CFTR: variants seen among roughly 807,000 people sequenced by gnomAD.
The protein encoded by CFTR is cystic fibrosis transmembrane conductance regulator.
A neutral mutation model predicts 171.6 loss-of-function variants in CFTR; 181 were observed. The observed-to-expected ratio is 1.05, with a 90% confidence interval of 0.93 to 1.19. The LOEUF (loss-of-function observed/expected upper bound fraction) is 1.19. Ranked by LOEUF, CFTR falls within the 50% of genes most tolerant of loss-of-function variation. The pLI is 0.00. For missense variants in CFTR, 1,968 were observed against 1,734.7 expected, an observed-to-expected ratio of 1.13 and a Z score of -2.39; for synonymous variants, 583 against 608.0, an observed-to-expected ratio of 0.96 and a Z score of 0.60.
At chr7:117,570,017 G>C (rs527872470) in intron 11 of CFTR, among the ~76,000 whole-genome samples, 4 of 151,986 alleles carry the variant, frequency 2.6e-5, no homozygotes, top group African/African-American at 9.7e-5. Flanking sequence ...GTGATATATA[G>C]AGTGCCAGGG....
At position 117,548,967 on chromosome 7, in the gene CFTR, T is replaced by C; in HGVS notation, c.1392+144T>C. ...TGTATGGGTGTAGTGTCTTGTATAA[T>C]AGAAATTGTTCCACTGATAATTTAC... On this transcript the variant is annotated intron_variant, in intron 10 of 26. Coordinates refer to ENST00000003084, the MANE Select transcript of CFTR (RefSeq NM_000492.4). The C allele has an allele frequency of 2.4e-6, 3 of 1,230,604 alleles. No homozygotes were observed. The South Asian group carries it at 4.5e-5, about 18-fold the overall frequency. The allele number at this position is 1,230,604 out of a possible 1,614,324, so 76.2% of individuals were successfully genotyped here.
chr7:117,528,516 G>C (rs1368512317), intron 3 of CFTR, among the ~76,000 whole-genome samples: 5 of 105,058 alleles, frequency 4.8e-5, no homozygotes, highest in Non-Finnish European at 9.7e-5. Flanking sequence ...TTGACAAATG[G>C]GATCTAATTA....
chr7:117,509,526 A>G (rs764130494), intron 3 of CFTR, among the ~76,000 whole-genome samples: 48 of 152,212 alleles, frequency 3.2e-4, no homozygotes, highest in Non-Finnish European at 5.3e-4. Flanking sequence ...AGCTAATTAC[A>G]TATATGAATG....
At chr7:117,540,041 T>C in intron 7 of CFTR, 59 bp from the exon 8 acceptor site, 1 of 1,422,186 alleles carries the variant, frequency 7.0e-7, no homozygotes, top group Non-Finnish European at 9.8e-7. Context: ...CATTCCAAGA[T>C]CCCTGATATT....
chr7:117,596,190 G>A (rs1254532051), intron 15 of CFTR, among the ~76,000 whole-genome samples: 1 of 152,212 alleles, frequency 6.6e-6, no homozygotes, highest in Non-Finnish European at 1.5e-5. Flanking sequence ...TGCCTTGTGG[G>A]CCAGCGCGAG....
intron 1 of CFTR, among the ~76,000 whole-genome samples, chr7:117,497,744 A>C (rs1056901994): frequency 1.3e-5 from 2 of 152,160 alleles, no homozygotes; most frequent in Admixed American, 6.5e-5. Flanking sequence ...GATTTTATAG[A>C]AAATTAATAT....
intron 11 of CFTR, among the ~76,000 whole-genome samples, chr7:117,576,100 GT>G (rs1202268146): frequency 6.6e-6 from 1 of 151,978 alleles, no homozygotes; most frequent in Non-Finnish European, 1.5e-5. Context: ...TAATTTTATT[GT>G]TTTTCATTGG....
At chr7:117,659,452 G>A (rs2116210247) in intron 24 of CFTR, among the ~76,000 whole-genome samples, 1 of 152,300 alleles carries the variant, frequency 6.6e-6, no homozygotes, top group South Asian at 2.1e-4. Flanking sequence ...GAATGAATAA[G>A]GAGTTCTTTC....
intron 8 of CFTR, among the ~76,000 whole-genome samples, chr7:117,541,783 A>C (rs1249073570): frequency 6.6e-6 from 1 of 152,218 alleles, no homozygotes; most frequent in East Asian, 1.9e-4. Flanking sequence ...TAATGTATAA[A>C]AAGTTTTATA....
Position 117,610,689 on chromosome 7 carries a change from A to G in CFTR, c.3139+20A>G. On this transcript the variant is annotated intron_variant, in intron 19 of 26. Transcript: ENST00000003084. Reference sequence around the variant, plus strand: ...CTGAAGGTATGACAGTGAATGTGCGATACTCATCTTGTAAAAAAGCTATAA... The same window carrying G: ...CTGAAGGTATGACAGTGAATGTGCGGTACTCATCTTGTAAAAAAGCTATAA... 1 of 1,612,586 alleles carries G rather than the reference A, an allele frequency of 6.2e-7. No homozygotes were observed. The highest frequency in any genetic ancestry group is 8.5e-7 in the Non-Finnish European group (1 of 1,178,960).
chr7:117,567,205 C>T (rs1183543339), intron 11 of CFTR, among the ~76,000 whole-genome samples: 1 of 152,116 alleles, frequency 6.6e-6, no homozygotes, highest in Non-Finnish European at 1.5e-5. Context: ...ACACTCTTAG[C>T]GTTTTCTATA....
chr7:117,612,721 G>A (rs1792426252), intron 20 of CFTR, among the ~76,000 whole-genome samples: 1 of 152,090 alleles, frequency 6.6e-6, no homozygotes, highest in South Asian at 2.1e-4. Flanking sequence ...CGAGAAGGTG[G>A]TGCCATTCGA....
intron 9 of CFTR, among the ~76,000 whole-genome samples, chr7:117,542,559 A>C (rs1427591583): frequency 6.6e-6 from 1 of 152,166 alleles, no homozygotes; most frequent in Non-Finnish European, 1.5e-5. Flanking sequence ...AAAGAAAAAA[A>C]AATAAAAATA....
intron 1 of CFTR, among the ~76,000 whole-genome samples, chr7:117,490,089 T>C (rs1270491248): frequency 1.3e-5 from 2 of 151,942 alleles, no homozygotes; most frequent in African/African-American, 2.4e-5. Flanking sequence ...GGAAGAAGCA[T>C]GTACTTTGGA....
At chr7:117,553,241 A>G (rs1799300761) in intron 10 of CFTR, among the ~76,000 whole-genome samples, 1 of 152,002 alleles carries the variant, frequency 6.6e-6, no homozygotes, top group Non-Finnish European at 1.5e-5. Context: ...ACACACACAC[A>G]CACACATGCA....
intron 10 of CFTR, among the ~76,000 whole-genome samples, chr7:117,556,711 G>C (rs1338913564): frequency 2.0e-5 from 3 of 149,260 alleles, no homozygotes; most frequent in African/African-American, 7.4e-5. Flanking sequence ...AGTAGAGACG[G>C]GGTTTCACCG....
chr7:117,647,551 C>G (rs1021166308), intron 23 of CFTR: 4 of 151,830 alleles, frequency 2.6e-5, no homozygotes, highest in Non-Finnish European at 5.9e-5. Flanking sequence ...GGTGCTATAC[C>G]GTTCATGAGA....
At chr7:117,550,942 T>TG (rs1170186151) in intron 10 of CFTR, among the ~76,000 whole-genome samples, 1 of 152,012 alleles carries the variant, frequency 6.6e-6, no homozygotes, top group Non-Finnish European at 1.5e-5. Flanking sequence ...TAGTTTTTTT[T>TG]GGACAAAAGA....
intron 14 of CFTR, 143 bp from the exon 15 acceptor site, chr7:117,594,787 G>A: frequency 1.4e-6 from 1 of 711,576 alleles, no homozygotes; most frequent in Non-Finnish European, 2.4e-6. Context: ...ATCATACATG[G>A]CATTTATAAT....
Sources: allele counts gnomAD v4.1 joint callset (sites outside exome capture counted in the v4.1 genomes callset), GRCh38; gene constraint gnomAD v4.1.1; transcripts MANE v1.5; gene names NCBI Gene and HGNC (gene_info 2026-07-23, HGNC 2026-07-21).